CYB5B: variants seen among roughly 807,000 people sequenced by gnomAD.
The protein encoded by CYB5B is cytochrome b5 type B.
Under a neutral mutation model 21.3 loss-of-function variants are expected in CYB5B, and 14 were observed. The observed-to-expected ratio is 0.66, with a 90% confidence interval of 0.43 to 1.03. The LOEUF is 1.03. Among genes scored for constraint, CYB5B ranks in the 50% least tolerant of loss-of-function variants. The probability of loss-of-function intolerance (pLI) is 0.00; values close to 1 mark genes in which losing one functional copy is unlikely to be tolerated. For synonymous variants in CYB5B, 69 were observed against 68.4 expected, an observed-to-expected ratio of 1.01 and a Z score of -0.04; for missense variants, 166 against 185.1, an observed-to-expected ratio of 0.90 and a Z score of 0.60.
rs1319075316 is a variant in CYB5B, at chr16:69,466,095, C to T, written c.*3575C>T. 6.6e-6 allele frequency: 1 copy of T among 152,490 alleles called. No individual in the cohort carries two copies. The highest frequency in any genetic ancestry group is 1.5e-5 in the Non-Finnish European group (1 of 68,014). 9.4% of individuals were successfully genotyped at this position (152,490 alleles called of 1,614,324 possible). On this transcript the variant is annotated 3_prime_UTR_variant, in exon 5 of 5. Transcript: ENST00000307892. ...TAACTTCCCTTTTTTTTTAACTTCACCTTTGACTATGAACAAGTAACGGTA... is the reference window on the plus strand; with the variant it reads ...TAACTTCCCTTTTTTTTTAACTTCATCTTTGACTATGAACAAGTAACGGTA...
At chr16:69,449,467 T>G (rs897892377) in intron 3 of CYB5B, 4 of 152,316 alleles carry the variant, frequency 2.6e-5, no homozygotes, top group African/African-American at 9.6e-5. Flanking sequence ...ATAACACATT[T>G]CTGCACAGCA....
intron 3 of CYB5B, among the ~76,000 whole-genome samples, chr16:69,458,581 G>T (rs995464559): frequency 1.3e-5 from 2 of 151,996 alleles, no homozygotes; most frequent in African/African-American, 4.8e-5. Context: ...AAGGTCTCCT[G>T]TCATAATTAT....
At chr16:69,436,567 G>C (rs1035901782) in intron 1 of CYB5B, among the ~76,000 whole-genome samples, 3 of 152,102 alleles carry the variant, frequency 2.0e-5, no homozygotes, top group Admixed American at 1.3e-4. Flanking sequence ...ATCTTTCTCT[G>C]CCCTGCAGAC....
intron 1 of CYB5B, among the ~76,000 whole-genome samples, chr16:69,428,466 G>C (rs2014671369): frequency 6.6e-6 from 1 of 152,036 alleles, no homozygotes; most frequent in South Asian, 2.1e-4. Context: ...GACCATCCTG[G>C]CCAACATGGT....
At chr16:69,437,006 T>A (rs537759251) in intron 1 of CYB5B, among the ~76,000 whole-genome samples, 1 of 152,350 alleles carries the variant, frequency 6.6e-6, no homozygotes, top group Non-Finnish European at 1.5e-5. Context: ...GTAAATGAAC[T>A]TAAGGAAAAG....
intron 3 of CYB5B, among the ~76,000 whole-genome samples, chr16:69,452,656 C>T (rs1056266839): frequency 6.6e-6 from 1 of 151,364 alleles, no homozygotes; most frequent in African/African-American, 2.4e-5. Context: ...GGTGACAGAA[C>T]GAGACCCTGT....
At chr16:69,443,407 C>T in intron 1 of CYB5B, 1 of 177,718 alleles carries the variant, frequency 5.6e-6, no homozygotes. Context: ...TCTGCTCCTG[C>T]CTCATTTCTT....
In CYB5B at chr16:69,464,436, T is replaced by C. The variant is rs992686109; in HGVS notation, c.*1916T>C. ...AAAGTGGTATGACTTGATGCTTCTC[T>C]ATTTAAAGGCAAGGAAGGATTGGTA... On this transcript the variant is annotated 3_prime_UTR_variant, in exon 5 of 5. Transcript: ENST00000307892. The C allele has an allele frequency of 6.6e-6, 1 of 152,242 alleles. No homozygotes were observed. Among genetic ancestry groups the C allele is most frequent in the Non-Finnish European group, 1.5e-5 (1 of 68,046 alleles). 9.4% of individuals were successfully genotyped at this position (152,242 alleles called of 1,614,324 possible). A position where few individuals can be genotyped will look rare whatever the true frequency, so the allele number is the denominator to read the frequency against.
At chr16:69,425,936 A>C (rs1336986678) in intron 1 of CYB5B, among the ~76,000 whole-genome samples, 2 of 152,248 alleles carry the variant, frequency 1.3e-5, no homozygotes, top group Non-Finnish European at 2.9e-5. Context: ...TTTGGGGCCT[A>C]AAAGAGAAAT....
chr16:69,434,093 GTGT>G (rs777160096), intron 1 of CYB5B, among the ~76,000 whole-genome samples: 17 of 152,170 alleles, frequency 1.1e-4, no homozygotes, highest in Non-Finnish European at 1.8e-4. Context: ...ATTTCTACCA[GTGT>G]TGTCCCCATA....
At chr16:69,456,877 G>A (rs2014988677) in intron 3 of CYB5B, among the ~76,000 whole-genome samples, 2 of 152,112 alleles carry the variant, frequency 1.3e-5, no homozygotes, top group Admixed American at 1.3e-4. Flanking sequence ...TCCAAATTTG[G>A]CTGAGAGTCC....
chr16:69,435,942 A>G (rs1176697865), intron 1 of CYB5B, among the ~76,000 whole-genome samples: 2 of 152,162 alleles, frequency 1.3e-5, no homozygotes, highest in East Asian at 3.8e-4. Flanking sequence ...CTGGCCTAAC[A>G]TTATAATTTT....
At chr16:69,459,732 G>T (rs1250269471) in intron 4 of CYB5B, among the ~76,000 whole-genome samples, 2 of 152,124 alleles carry the variant, frequency 1.3e-5, no homozygotes, top group Non-Finnish European at 2.9e-5. Flanking sequence ...TATAGAGCTA[G>T]CCATTCTATT....
intron 3 of CYB5B, among the ~76,000 whole-genome samples, chr16:69,454,583 A>G (rs1277295550): frequency 6.6e-6 from 1 of 152,198 alleles, no homozygotes; most frequent in Non-Finnish European, 1.5e-5. Flanking sequence ...TCCAGTTTAG[A>G]ATTTGAAGCC....
intron 1 of CYB5B, among the ~76,000 whole-genome samples, chr16:69,437,964 G>T (rs2014778075): frequency 6.6e-6 from 1 of 151,980 alleles, no homozygotes; most frequent in Non-Finnish European, 1.5e-5. Flanking sequence ...CAGTTCAATG[G>T]CATTAAGTAC....
rs552485375 is a variant in CYB5B at position 69,459,927 on chromosome 16, C to T, written c.362+806C>T. On this transcript the variant is annotated intron_variant, in intron 4 of 4. Transcript: ENST00000307892. Reference sequence around the variant, plus strand: ...TGCATAAAAATTTTGAAAATACAAGCCACAAAATTGCAGATTTTAAACAAA... The same window carrying T: ...TGCATAAAAATTTTGAAAATACAAGTCACAAAATTGCAGATTTTAAACAAA... 5.3e-5 allele frequency among the ~76,000 whole-genome samples: 8 copies of T among 152,214 alleles called. No homozygotes were observed. In the South Asian group the frequency reaches 1.7e-3, roughly 32 times the overall value.
At chr16:69,458,960 A>G in intron 3 of CYB5B, 133 bp from the exon 4 acceptor site, 1 of 757,774 alleles carries the variant, frequency 1.3e-6, no homozygotes, top group Non-Finnish European at 2.0e-6. Flanking sequence ...GTAAACACCA[A>G]AATGCATGAA....
chr16:69,454,699 A>C (rs990801163), intron 3 of CYB5B, among the ~76,000 whole-genome samples: 2 of 152,200 alleles, frequency 1.3e-5, no homozygotes, highest in African/African-American at 2.4e-5. Context: ...TACCCATTAC[A>C]TTTGCCAAAG....
chr16:69,459,323 AG>A, intron 4 of CYB5B: 1 of 601,618 alleles, frequency 1.7e-6, no homozygotes, highest in East Asian at 3.1e-5. Context: ...ATAATCTAAA[AG>A]TTTCATGCCT....
Sources: allele counts gnomAD v4.1 joint callset (sites outside exome capture counted in the v4.1 genomes callset), GRCh38; gene constraint gnomAD v4.1.1; transcripts MANE v1.5; gene names NCBI Gene and HGNC (gene_info 2026-07-23, HGNC 2026-07-21).